EXOC2: variants seen among roughly 807,000 people sequenced by gnomAD.
EXOC2 encodes SEC5-like 1.
A neutral mutation model predicts 131.8 loss-of-function variants in EXOC2; 70 were observed. The observed-to-expected ratio is 0.53, with a 90% CI of 0.44 to 0.65. The LOEUF is 0.65. Ranked by LOEUF, EXOC2 falls within the 30% of genes least tolerant of loss-of-function variation. The pLI is 0.00. For missense variants in EXOC2, 923 were observed against 1,108.6 expected (o/e 0.83, Z 2.38); for synonymous variants, 411 against 398.4 (o/e 1.03, Z -0.38).
chr6:551,084 C>T (rs774506692), intron 21 of EXOC2, among the ~76,000 whole-genome samples: 22 of 152,324 alleles, frequency 1.4e-4, no homozygotes, highest in African/African-American at 4.6e-4. Context: ...GACTCTGGAC[C>T]GTGGATGACT....
chr6:599,687 A>G (rs1283394253), intron 7 of EXOC2, among the ~76,000 whole-genome samples: 3 of 152,254 alleles, frequency 2.0e-5, no homozygotes, highest in South Asian at 2.1e-4. Context: ...AAGTTGCTCA[A>G]TAGAAATATT....
intron 1 of EXOC2, among the ~76,000 whole-genome samples, chr6:651,922 G>A (rs951174062): frequency 2.0e-5 from 3 of 151,766 alleles, no homozygotes; most frequent in Non-Finnish European, 4.4e-5. Flanking sequence ...CGGGTGCGGT[G>A]GTGCGCGCCT....
At chr6:591,564 G>C (rs1233795785) in intron 11 of EXOC2, among the ~76,000 whole-genome samples, 2 of 151,990 alleles carry the variant, frequency 1.3e-5, no homozygotes, top group East Asian at 3.9e-4. Flanking sequence ...CAAAACCCTG[G>C]ATCAGAGGCT....
At chr6:642,599 TAA>T (rs1762404422) in intron 1 of EXOC2, among the ~76,000 whole-genome samples, 1 of 152,156 alleles carries the variant, frequency 6.6e-6, no homozygotes, top group South Asian at 2.1e-4. Flanking sequence ...GATAAGAACT[TAA>T]AAGAGTCTAT....
Position 610,128 on chromosome 6 carries a change from T to G in EXOC2, c.712A>C (p.Met238Leu). The change falls in exon 7 of 28, where the codon ATG becomes CTG. Residue 238 changes from methionine (M) to leucine (L), a missense_variant. By Grantham distance (15) the Met-to-Leu change is conservative. Coordinates refer to ENST00000230449, the MANE Select transcript of EXOC2 (RefSeq NM_018303.6). Reference protein sequence around the residue: ...ADGTEKVEGSMTQKLENVLNR... With the variant: ...ADGTEKVEGSLTQKLENVLNR... ...AGAACATTCTCCAGTTTCTGCGTCA[T>G]GGATCCTTCTACTTTTTCCGTTCCA... The G allele has an allele frequency of 6.2e-7, 1 of 1,614,124 alleles. No homozygotes were observed. The highest frequency in any genetic ancestry group is 1.1e-5 in the South Asian group (1 of 91,074).
intron 23 of EXOC2, among the ~76,000 whole-genome samples, chr6:502,076 C>T (rs558002804): frequency 2.0e-5 from 3 of 152,278 alleles, no homozygotes; most frequent in Admixed American, 6.5e-5. Flanking sequence ...CACCCAGGGG[C>T]GGAGATCCAC....
chr6:544,444 C>T (rs1423712429), intron 22 of EXOC2, among the ~76,000 whole-genome samples: 1 of 152,162 alleles, frequency 6.6e-6, no homozygotes, highest in Non-Finnish European at 1.5e-5. Context: ...AGCAGAAACA[C>T]ATCTGATCAA....
chr6:686,214 G>A (rs948629627), intron 1 of EXOC2, among the ~76,000 whole-genome samples: 3 of 151,256 alleles, frequency 2.0e-5, no homozygotes, highest in Non-Finnish European at 4.4e-5. Flanking sequence ...CGCCCTCCTC[G>A]GCCTCCCAAA....
intron 12 of EXOC2, among the ~76,000 whole-genome samples, chr6:573,321 T>C (rs1272048736): frequency 2.0e-5 from 3 of 152,210 alleles, no homozygotes; most frequent in African/African-American, 7.2e-5. Flanking sequence ...AGTGTAGAAA[T>C]TCAGGACCCA....
At chr6:652,101 A>C (rs1180840938) in intron 1 of EXOC2, among the ~76,000 whole-genome samples, 1 of 152,028 alleles carries the variant, frequency 6.6e-6, no homozygotes, top group African/African-American at 2.4e-5. Context: ...AATACTCACC[A>C]AACAAAATAA....
intron 23 of EXOC2, among the ~76,000 whole-genome samples, chr6:511,468 G>T (rs1764840047): frequency 6.6e-6 from 1 of 152,156 alleles, no homozygotes. Flanking sequence ...AAGAAATCTA[G>T]GTAGAAATGC....
intron 23 of EXOC2, among the ~76,000 whole-genome samples, chr6:530,049 C>T (rs537385775): frequency 1.3e-5 from 2 of 152,302 alleles, no homozygotes; most frequent in East Asian, 1.9e-4. Context: ...TCAAATTTAG[C>T]AAGTCTATGC....
At chr6:656,411 G>T (rs201200803) in intron 1 of EXOC2, 1 of 1,614,098 alleles carries the variant, frequency 6.2e-7, no homozygotes. Flanking sequence ...CCACCAGCAC[G>T]TGACTGCCCA....
intron 23 of EXOC2, among the ~76,000 whole-genome samples, chr6:503,882 T>C (rs1219140843): frequency 6.6e-6 from 1 of 152,226 alleles, no homozygotes; most frequent in African/African-American, 2.4e-5. Context: ...CTCCTCAGCC[T>C]GTCCCGTGGG....
At position 619,459 on chromosome 6, in the gene EXOC2, C is replaced by A. The variant is rs572181971; in HGVS notation, c.507G>T (p.Trp169Cys). 2.0e-5 allele frequency: 32 copies of A among 1,613,978 alleles called. No individual in the cohort carries two copies. Among genetic ancestry groups the A allele is most frequent in the South Asian group, 3.3e-5 (3 of 91,066 alleles). The change falls in exon 5 of 28, where the codon TGG becomes TGT. Residue 169 changes from tryptophan (W) to cysteine (C), a missense_variant. By Grantham distance (215) the Trp-to-Cys change is radical. Coordinates refer to ENST00000230449, the MANE Select transcript of EXOC2 (RefSeq NM_018303.6). Reference protein sequence around the residue: ...DFTSENFSAAWYLIENHSNTS... With the variant: ...DFTSENFSAACYLIENHSNTS... ...TGTTTGAGTGATTCTCTATAAGATA[C>A]CAGGCTGCTGAGAAATTCTCACTTG...
At chr6:634,250 T>TG (rs1327056593) in intron 2 of EXOC2, among the ~76,000 whole-genome samples, 1 of 151,998 alleles carries the variant, frequency 6.6e-6, no homozygotes, top group African/African-American at 2.4e-5. Context: ...GTTGTTGTTT[T>TG]GTTTTTGTAT....
chr6:587,405 C>T (rs746904220), intron 11 of EXOC2, among the ~76,000 whole-genome samples: 8 of 152,072 alleles, frequency 5.3e-5, no homozygotes, highest in African/African-American at 9.7e-5. Context: ...CCACCATGTC[C>T]GGCTAATTTT....
chr6:637,539 A>G (rs1581604137), intron 2 of EXOC2, among the ~76,000 whole-genome samples, 162 bp downstream of exon 2: 1 of 152,224 alleles, frequency 6.6e-6, no homozygotes, highest in East Asian at 1.9e-4. Context: ...TTCACACAAA[A>G]CTCAGAAAGC....
intron 4 of EXOC2, among the ~76,000 whole-genome samples, chr6:620,281 T>A (rs1761217498): frequency 6.6e-6 from 1 of 152,212 alleles, no homozygotes; most frequent in African/African-American, 2.4e-5. Flanking sequence ...TGGCGCCCCC[T>A]GCCCCATTTG....
Sources: allele counts gnomAD v4.1 joint callset (sites outside exome capture counted in the v4.1 genomes callset), GRCh38; gene constraint gnomAD v4.1.1; transcripts MANE v1.5; gene names NCBI Gene and HGNC (gene_info 2026-07-23, HGNC 2026-07-21).